The following ASH1L variants were observed in gnomAD, a reference collection of about 807,000 sequenced individuals.
ASH1L encodes the protein ASH1 like histone lysine methyltransferase.
ASH1L carries 23 observed loss-of-function variants against 269.0 expected under a neutral mutation model. The observed-to-expected ratio is 0.09, with a 90% CI of 0.06 to 0.12. The LOEUF (loss-of-function observed/expected upper bound fraction) is 0.12, where lower values mean the gene tolerates loss of function less well. ASH1L is among the 10% of genes least tolerant of loss of function. ASH1L has a pLI of 1.00. For missense variants in ASH1L, 2,912 were observed against 3,567.8 expected, an observed-to-expected ratio of 0.82 and a Z score of 4.68; for synonymous variants, 1,187 against 1,253.5, an observed-to-expected ratio of 0.95 and a Z score of 1.12.
chr1:155,446,157 T>C (rs901041804), intron 4 of ASH1L, among the ~76,000 whole-genome samples: 2 of 151,642 alleles, frequency 1.3e-5, no homozygotes, highest in Admixed American at 6.6e-5. Context: ...CTGCTGGGAT[T>C]ACAGGCGTGA....
chr1:155,520,077 T>A (rs1194437310), intron 2 of ASH1L: 1 of 152,056 alleles, frequency 6.6e-6, no homozygotes, highest in Non-Finnish European at 1.5e-5. Context: ...TTTGGCTGGG[T>A]ACAGTGGCTC....
chr1:155,485,334 T>G (rs1666270632), intron 2 of ASH1L, among the ~76,000 whole-genome samples: 2 of 152,106 alleles, frequency 1.3e-5, no homozygotes, highest in East Asian at 3.9e-4. Flanking sequence ...TATTTTTTTT[T>G]AAGAGATGGG....
rs1267198918 is a variant in ASH1L, at chr1:155,336,396, C to CAT, written c.*1262_*1263dup. On this transcript the variant is annotated 3_prime_UTR_variant, in exon 28 of 28. Transcript: ENST00000392403. ...ATATATATATACACACACATACACA[C>CAT]ATATATATACACACACACACACAAC... The CAT allele has an allele frequency of 2.6e-5, 4 of 151,602 alleles. No individual in the cohort carries two copies. The highest frequency in any genetic ancestry group is 5.9e-5 in the Non-Finnish European group (4 of 67,814). The allele number at this position is 151,602 out of a possible 1,614,324, so 9.4% of individuals were successfully genotyped here.
chr1:155,458,955 T>TC (rs1278440472), intron 4 of ASH1L, among the ~76,000 whole-genome samples: 3 of 149,846 alleles, frequency 2.0e-5, no homozygotes, highest in Non-Finnish European at 4.5e-5. Context: ...CCTCTCTCTT[T>TC]TTTTTTTTTT....
At chr1:155,489,430 T>C (rs1328425098) in intron 2 of ASH1L, among the ~76,000 whole-genome samples, 1 of 145,612 alleles carries the variant, frequency 6.9e-6, no homozygotes, top group African/African-American at 2.6e-5. Flanking sequence ...GCCGAGATTG[T>C]GTCACTGTAC....
At chr1:155,497,603 T>C (rs1019827725) in intron 2 of ASH1L, among the ~76,000 whole-genome samples, 3 of 152,198 alleles carry the variant, frequency 2.0e-5, no homozygotes, top group Non-Finnish European at 4.4e-5. Context: ...TGGTCAACAG[T>C]AGACTATTAG....
chr1:155,342,227 G>T, intron 24 of ASH1L, 125 bp from the exon 25 acceptor site: 1 of 825,616 alleles, frequency 1.2e-6, no homozygotes, highest in Non-Finnish European at 1.9e-6. Context: ...TAGCTATGTA[G>T]AGAGGCAGGA....
chr1:155,376,630 G>A (rs978267587), intron 10 of ASH1L, among the ~76,000 whole-genome samples: 1 of 151,986 alleles, frequency 6.6e-6, no homozygotes, highest in Admixed American at 6.6e-5. Flanking sequence ...AGTGAGCTGA[G>A]ATCGTGCCAC....
At chr1:155,533,869 C>G (rs1192893426) in intron 1 of ASH1L, among the ~76,000 whole-genome samples, 1 of 152,104 alleles carries the variant, frequency 6.6e-6, no homozygotes, top group African/African-American at 2.4e-5. Context: ...TTCATCATTT[C>G]CTTTATGGAT....
intron 7 of ASH1L, among the ~76,000 whole-genome samples, chr1:155,388,998 C>G (rs915281984): frequency 6.6e-6 from 1 of 151,684 alleles, no homozygotes; most frequent in Admixed American, 6.6e-5. Flanking sequence ...CATGAGCCAC[C>G]ATGCCTGGAC....
chr1:155,558,904 G>A (rs1671779714), intron 1 of ASH1L, among the ~76,000 whole-genome samples: 1 of 149,490 alleles, frequency 6.7e-6, no homozygotes, highest in Non-Finnish European at 1.5e-5. Flanking sequence ...GGCGTACAGT[G>A]GTGGATCTCG....
chr1:155,550,082 G>A (rs975225820), intron 1 of ASH1L, among the ~76,000 whole-genome samples: 1 of 151,668 alleles, frequency 6.6e-6, no homozygotes, highest in Admixed American at 6.6e-5. Context: ...GTGCCGTGGC[G>A]TAATCTCAGT....
Position 155,562,667 on chromosome 1 carries a change from C to T in ASH1L, c.-614G>A, listed in dbSNP as rs1165595278. 4.6e-6 allele frequency: 7 copies of T among 1,523,860 alleles called. No homozygotes were observed. The African/African-American group carries it at 5.5e-5, about 12-fold the overall frequency. The allele number at this position is 1,523,860 out of a possible 1,614,324, so 94.4% of individuals were successfully genotyped here. On this transcript the variant is annotated 5_prime_UTR_variant, in exon 1 of 28. Coordinates refer to ENST00000392403, the MANE Select transcript of ASH1L (RefSeq NM_018489.3). ...TCCCACCAACCACCACCTTCGGCCG[C>T]CCCGCGCGCCAGCCAGCCCGTACGC... is the stretch of plus-strand genomic sequence containing the variant.
chr1:155,548,518 G>GT (rs1279946756), intron 1 of ASH1L, among the ~76,000 whole-genome samples: 9 of 152,234 alleles, frequency 5.9e-5, no homozygotes, highest in African/African-American at 2.2e-4. Flanking sequence ...GCCAGACTCC[G>GT]TATCAAACAA....
chr1:155,526,306 CTT>C (rs1386807270), intron 1 of ASH1L, among the ~76,000 whole-genome samples: 3 of 152,136 alleles, frequency 2.0e-5, no homozygotes, highest in Non-Finnish European at 4.4e-5. Context: ...TTTTACATAA[CTT>C]TATCTTGTGT....
chr1:155,555,271 C>G (rs1238804962), intron 1 of ASH1L, among the ~76,000 whole-genome samples: 1 of 150,368 alleles, frequency 6.7e-6, no homozygotes, highest in Non-Finnish European at 1.5e-5. Context: ...CCGATGCGGG[C>G]TGATCACTTG....
chr1:155,378,137 A>T, intron 10 of ASH1L, 144 bp downstream of exon 10: 1 of 568,366 alleles, frequency 1.8e-6, no homozygotes, highest in Non-Finnish European at 3.1e-6. Context: ...CTGTTTCTGT[A>T]TTCCGCCCAC....
intron 2 of ASH1L, among the ~76,000 whole-genome samples, chr1:155,506,754 A>T (rs1667843392): frequency 6.6e-6 from 1 of 152,006 alleles, no homozygotes; most frequent in African/African-American, 2.4e-5. Flanking sequence ...TAAAATTTTA[A>T]ATTCCAGGAC....
At chr1:155,394,115 T>C (rs1382064420) in intron 7 of ASH1L, among the ~76,000 whole-genome samples, 1 of 152,146 alleles carries the variant, frequency 6.6e-6, no homozygotes, top group African/African-American at 2.4e-5. Flanking sequence ...ATACTAACAT[T>C]AAGATCATCC....
Sources: gnomAD v4.1 joint callset for allele counts (sites outside exome capture counted in the v4.1 genomes callset) on GRCh38, gnomAD v4.1.1 for gene constraint, MANE v1.5 for transcripts, NCBI Gene and HGNC (gene_info 2026-07-23, HGNC 2026-07-21) for gene names.